Variants in CCDC146 observed in about 807,000 individuals in gnomAD.
The protein encoded by CCDC146 is coiled-coil domain-containing protein 146.
In CCDC146, 92 loss-of-function variants were observed where a neutral mutation model predicts 119.3. That is an observed-to-expected ratio of 0.77 (90% CI 0.65 to 0.92). The LOEUF is 0.92. Among genes scored for constraint, CCDC146 ranks in the 40% least tolerant of loss-of-function variants. CCDC146 has a pLI of 0.00. For synonymous variants in CCDC146, 372 were observed against 371.8 expected, an observed-to-expected ratio of 1.00 and a Z score of -0.01; for missense variants, 1,000 against 1,103.0, an observed-to-expected ratio of 0.91 and a Z score of 1.32.
intron 15 of CCDC146, among the ~76,000 whole-genome samples, chr7:77,284,008 T>A (rs1249818440): frequency 6.6e-6 from 1 of 152,102 alleles, no homozygotes; most frequent in Non-Finnish European, 1.5e-5. Context: ...TCCCCAGGCT[T>A]CCTGTGGCTC....
At chr7:77,198,034 A>G (rs1419792099) in intron 2 of CCDC146, 1 of 709,816 alleles carries the variant, frequency 1.4e-6, no homozygotes, top group Non-Finnish European at 1.7e-6. Context: ...TTTCACCCAA[A>G]ATGTTTAGGA....
intron 1 of CCDC146, among the ~76,000 whole-genome samples, chr7:77,125,131 T>C (rs1790674923): frequency 6.6e-6 from 1 of 151,306 alleles, no homozygotes; most frequent in Admixed American, 6.6e-5. Flanking sequence ...GAGGTAGAGG[T>C]TGCAGTGAGC....
chr7:77,264,290 T>G (rs1361904577), intron 9 of CCDC146, among the ~76,000 whole-genome samples: 1 of 152,158 alleles, frequency 6.6e-6, no homozygotes, highest in Non-Finnish European at 1.5e-5. Context: ...GAGACAGTCT[T>G]GCTTTGCTGC....
chr7:77,144,881 T>C (rs897885813), intron 1 of CCDC146, among the ~76,000 whole-genome samples: 5 of 151,838 alleles, frequency 3.3e-5, no homozygotes, highest in African/African-American at 1.2e-4. Flanking sequence ...AAATTCTCTT[T>C]TTTTTTCTGT....
At chr7:77,276,055 A>C (rs936070889) in intron 11 of CCDC146, among the ~76,000 whole-genome samples, 4 of 152,036 alleles carry the variant, frequency 2.6e-5, no homozygotes, top group South Asian at 2.1e-4. Flanking sequence ...GAAATACAAA[A>C]ATTAGCCAGG....
In CCDC146 at chr7:77,139,748, GACA is replaced by G. The variant is rs565669470; in HGVS notation, c.-12+17020_-12+17022del. Among the ~76,000 whole-genome samples, 30 of 151,982 alleles carry G rather than the reference GACA, an allele frequency of 2.0e-4. 1 individual carries two copies. The highest frequency in any genetic ancestry group is 7.0e-4 in the African/African-American group (29 of 41,414). ...AGAAGTAAAATTGTCTTTATTCACA[GACA>G]ACATGATTAAGTAGAAAATTGTAAG... is the stretch of plus-strand genomic sequence containing the variant. On this transcript the variant is annotated intron_variant, in intron 1 of 18. Coordinates refer to ENST00000285871, the MANE Select transcript of CCDC146 (RefSeq NM_020879.3).
intron 2 of CCDC146, among the ~76,000 whole-genome samples, chr7:77,211,570 G>A (rs974042454): frequency 4.6e-5 from 7 of 151,596 alleles, no homozygotes; most frequent in African/African-American, 1.7e-4. Flanking sequence ...GAATTGCTTT[G>A]TTACAGGGTT....
intron 2 of CCDC146, among the ~76,000 whole-genome samples, chr7:77,230,494 A>ACG (rs1554354638): frequency 6.7e-6 from 1 of 149,232 alleles, no homozygotes. Context: ...GTTGACAGGT[A>ACG]TGTGTGTGTG....
intron 1 of CCDC146, among the ~76,000 whole-genome samples, chr7:77,158,479 T>G (rs1195250845): frequency 6.6e-6 from 1 of 152,150 alleles, no homozygotes; most frequent in African/African-American, 2.4e-5. Context: ...CAATGGGCTT[T>G]GCAATCCTAT....
intron 4 of CCDC146, among the ~76,000 whole-genome samples, chr7:77,246,915 G>C (rs996243894): frequency 6.6e-6 from 1 of 152,136 alleles, no homozygotes; most frequent in Non-Finnish European, 1.5e-5. Context: ...AGTATGTTCA[G>C]TATATGATAA....
chr7:77,204,013 C>T (rs1792041422), intron 2 of CCDC146, among the ~76,000 whole-genome samples: 1 of 150,318 alleles, frequency 6.7e-6, no homozygotes, highest in Non-Finnish European at 1.5e-5. Flanking sequence ...TTTTGTTTCC[C>T]CTAATACAGT....
At chr7:77,159,510 G>A (rs1032828268) in intron 1 of CCDC146, among the ~76,000 whole-genome samples, 2 of 151,782 alleles carry the variant, frequency 1.3e-5, no homozygotes, top group South Asian at 2.1e-4. Context: ...TACATATATC[G>A]CAATTTCTTT....
At chr7:77,289,945 A>G (rs937436531) in intron 17 of CCDC146, among the ~76,000 whole-genome samples, 13 of 152,246 alleles carry the variant, frequency 8.5e-5, no homozygotes, top group African/African-American at 2.7e-4. Context: ...ATGCACACGT[A>G]TGTTTATTGC....
intron 2 of CCDC146, among the ~76,000 whole-genome samples, chr7:77,218,876 T>G (rs1352823195): frequency 6.6e-6 from 1 of 152,030 alleles, no homozygotes; most frequent in Non-Finnish European, 1.5e-5. Context: ...CTGGCCCCAA[T>G]TTTTGAGTGT....
At chr7:77,147,595 A>G (rs538035729) in intron 1 of CCDC146, among the ~76,000 whole-genome samples, 2 of 152,202 alleles carry the variant, frequency 1.3e-5, no homozygotes, top group South Asian at 2.1e-4. Flanking sequence ...TTTTGTGTGG[A>G]TGTCCTTTCT....
intron 2 of CCDC146, among the ~76,000 whole-genome samples, chr7:77,189,858 C>T (rs1032360396): frequency 3.3e-5 from 5 of 152,162 alleles, no homozygotes; most frequent in African/African-American, 1.2e-4. Context: ...CAAATTTCAC[C>T]TCCACAGACA....
At chr7:77,232,855 G>A (rs1286324207) in intron 2 of CCDC146, among the ~76,000 whole-genome samples, 1 of 152,142 alleles carries the variant, frequency 6.6e-6, no homozygotes, top group Non-Finnish European at 1.5e-5. Flanking sequence ...GGAAAGTGGG[G>A]GACATGGGCA....
intron 2 of CCDC146, among the ~76,000 whole-genome samples, chr7:77,214,901 C>T (rs1792267709): frequency 6.6e-6 from 1 of 152,070 alleles, no homozygotes; most frequent in Non-Finnish European, 1.5e-5. Context: ...CATCAGGAGG[C>T]ACATGATATT....
At position 77,287,577 on chromosome 7, in the gene CCDC146, G is replaced by A. The variant is rs1793871468; in HGVS notation, c.2415G>A (p.Lys805=). 9 of 1,612,872 alleles carry A rather than the reference G, an allele frequency of 5.6e-6. No homozygotes were observed. Among genetic ancestry groups the A allele is most frequent in the Non-Finnish European group, 7.6e-6 (9 of 1,179,734 alleles). ...AGGACACACTGCTCTTAGCCAAGAA[G>A]GTAGGCCTGAGACCCTGCCTTTTCC... ...CKQDTLLLAK[K]MNGYQRRIKN... The change falls in exon 17 of 19, where the codon AAG becomes AAA. Residue 805 remains lysine (K), a splice_region_variant and synonymous_variant. Transcript: ENST00000285871.
Sources: gnomAD v4.1 joint callset for allele counts (sites outside exome capture counted in the v4.1 genomes callset) on GRCh38, gnomAD v4.1.1 for gene constraint, MANE v1.5 for transcripts, NCBI Gene and HGNC (gene_info 2026-07-23, HGNC 2026-07-21) for gene names.